INSR: variants seen among roughly 807,000 people sequenced by gnomAD.
INSR encodes the protein IR.
INSR carries 67 observed loss-of-function variants against 142.6 expected under a neutral mutation model. The observed-to-expected ratio is 0.47, with a 90% confidence interval of 0.39 to 0.58. The LOEUF (loss-of-function observed/expected upper bound fraction) is 0.58, where lower values mean the gene tolerates loss of function less well. INSR is among the 20% of genes least tolerant of loss of function. The pLI, the probability that INSR is intolerant of heterozygous loss-of-function variation, is 0.00. For missense variants in INSR, 1,248 were observed against 1,833.2 expected, an observed-to-expected ratio of 0.68 and a Z score of 5.83; for synonymous variants, 756 against 743.1, an observed-to-expected ratio of 1.02 and a Z score of -0.28.
At chr19:7,137,526 G>A (rs1383085271) in intron 13 of INSR, among the ~76,000 whole-genome samples, 1 of 152,062 alleles carries the variant, frequency 6.6e-6, no homozygotes, top group African/African-American at 2.4e-5. Context: ...GGTGGCTCAC[G>A]CCTGTAATCC....
intron 17 of INSR, among the ~76,000 whole-genome samples, chr19:7,123,628 AG>A (rs888820701): frequency 6.6e-6 from 1 of 151,874 alleles, no homozygotes; most frequent in African/African-American, 2.4e-5. Flanking sequence ...TAATGTATAA[AG>A]GGTTTGGAGT....
At position 7,170,755 on chromosome 19, in the gene INSR, T is replaced by G. The variant is rs754326056; in HGVS notation, c.1269-4A>C. 1 of 1,609,588 alleles carries G rather than the reference T, an allele frequency of 6.2e-7. No individual in the cohort carries two copies. Among genetic ancestry groups the G allele is most frequent in the South Asian group, 1.1e-5 (1 of 91,002 alleles). Reference sequence around the variant, plus strand: ...CAAGGCATAGAAGGAGTAGTTCCTATGGAAAAAACACACACATCTAGTCAT... The same window carrying G: ...CAAGGCATAGAAGGAGTAGTTCCTAGGGAAAAAACACACACATCTAGTCAT... On this transcript the variant is annotated splice_polypyrimidine_tract_variant and splice_region_variant and intron_variant, in intron 5 of 21. Transcript: ENST00000302850.
chr19:7,236,862 T>C (rs182352361), intron 2 of INSR, among the ~76,000 whole-genome samples: 62 of 151,530 alleles, frequency 4.1e-4, no homozygotes, highest in Non-Finnish European at 4.0e-4. Flanking sequence ...CTGTCTCTAC[T>C]AAAAATACAA....
intron 6 of INSR, among the ~76,000 whole-genome samples, chr19:7,169,605 C>T: frequency 6.8e-6 from 1 of 147,806 alleles, no homozygotes; most frequent in East Asian, 2.0e-4. Flanking sequence ...AAAAGAAGCT[C>T]TTCCTCTGTT....
chr19:7,117,056 T>C lies in INSR; in HGVS notation c.4149A>G (p.Ter1383=), dbSNP rs767486143. The C allele has an allele frequency of 1.2e-6, 2 of 1,608,738 alleles. No individual in the cohort carries two copies. Among genetic ancestry groups the C allele is most frequent in the East Asian group, 4.5e-5 (2 of 44,596 alleles). The change falls in exon 22 of 22, where the codon TAA becomes TAG. Residue 1383 remains the stop codon, a stop_retained_variant. Coordinates refer to ENST00000302850, the MANE Select transcript of INSR (RefSeq NM_000208.4). ...ILTLPRSNPS[*] is the part of the protein sequence containing the mutation. ...CCCGCCCCCGCCACGGTAGGCACTG[T>C]TAGGAAGGATTGGACCGAGGCAAGG...
chr19:7,290,094 G>C (rs1293741961), intron 1 of INSR, among the ~76,000 whole-genome samples: 2 of 152,160 alleles, frequency 1.3e-5, no homozygotes, highest in Non-Finnish European at 2.9e-5. Flanking sequence ...GTCTCCAGGA[G>C]AGAAGCAAAG....
At chr19:7,189,664 CTT>C (rs35476514) in intron 2 of INSR, among the ~76,000 whole-genome samples, 4,357 of 141,462 alleles carry the variant, frequency 0.031, 213 homozygotes, top group African/African-American at 0.11. Flanking sequence ...TTTACTATTA[CTT>C]TTTTTTTTTT....
At position 7,125,301 on chromosome 19, in the gene INSR, G is replaced by A; in HGVS notation, c.3240C>T (p.Gly1080=). 1 of 1,614,030 alleles carries A rather than the reference G, an allele frequency of 6.2e-7. No individual in the cohort carries two copies. Among genetic ancestry groups the A allele is most frequent in the Non-Finnish European group, 8.5e-7 (1 of 1,180,016 alleles). The change falls in exon 17 of 22, where the codon GGC becomes GGT. Residue 1080 remains glycine, a synonymous_variant. Coordinates refer to ENST00000302850, the MANE Select transcript of INSR (RefSeq NM_000208.4). This position sits in a 1 kb window ranked among gnomAD's most constrained non-coding sequence, Gnocchi z 4.9. Reference sequence around the variant, plus strand: ...GACTCACCACGTGATGGCAGGTGAAGCCCTTCATGACCGAGGCCTCATTGA... The same window carrying A: ...GACTCACCACGTGATGGCAGGTGAAACCCTTCATGACCGAGGCCTCATTGA... ...EFLNEASVMK[G]FTCHHVVRLL... is the part of the protein sequence containing the mutation.
At chr19:7,232,804 C>CGG (rs1358583143) in intron 2 of INSR, among the ~76,000 whole-genome samples, 2 of 150,818 alleles carry the variant, frequency 1.3e-5, no homozygotes, top group Non-Finnish European at 3.0e-5. Flanking sequence ...TGCAAGACTC[C>CGG]GTCTCAAAAA....
chr19:7,130,032 T>C (rs888771019), intron 14 of INSR, among the ~76,000 whole-genome samples: 1 of 99,392 alleles, frequency 1.0e-5, no homozygotes, highest in Non-Finnish European at 2.4e-5. Flanking sequence ...AGCCACCTCA[T>C]CTAGCCAAAA....
rs188000499 is a variant in INSR, at chr19:7,182,820, A to T, written c.974+1496T>A. 3.0e-3 allele frequency among the ~76,000 whole-genome samples: 442 copies of T among 145,606 alleles called. 3 individuals are homozygous for T. The highest frequency in any genetic ancestry group is 0.01 in the African/African-American group (417 of 39,864). On this transcript the variant is annotated intron_variant, in intron 3 of 21. Coordinates refer to ENST00000302850, the MANE Select transcript of INSR (RefSeq NM_000208.4). ...ACATCTTGCCAGAAGATATTAACCC[A>T]TTTTTTTTATTTCAATTGTGATTTT...
At chr19:7,169,198 C>A (rs1973955999) in intron 6 of INSR, among the ~76,000 whole-genome samples, 1 of 152,190 alleles carries the variant, frequency 6.6e-6, no homozygotes, top group African/African-American at 2.4e-5. Context: ...GGATGCATCA[C>A]CATCTGAGAC....
chr19:7,217,174 C>T (rs1022916378), intron 2 of INSR, among the ~76,000 whole-genome samples: 1 of 152,066 alleles, frequency 6.6e-6, no homozygotes, highest in African/African-American at 2.4e-5. Context: ...CAAAATGAGT[C>T]TTACAGGGCT....
chr19:7,217,714 C>T (rs1352615973), intron 2 of INSR, among the ~76,000 whole-genome samples: 1 of 152,164 alleles, frequency 6.6e-6, no homozygotes, highest in East Asian at 1.9e-4. Context: ...AGCCCGCCAC[C>T]ACACCTGGCT....
chr19:7,282,309 G>T (rs1031677791), intron 1 of INSR, among the ~76,000 whole-genome samples: 3 of 151,696 alleles, frequency 2.0e-5, no homozygotes, highest in African/African-American at 7.3e-5. Flanking sequence ...AGGTTGCAGT[G>T]AGCCGAGATC....
intron 9 of INSR, among the ~76,000 whole-genome samples, chr19:7,160,524 C>T (rs1361001872): frequency 6.6e-6 from 1 of 152,058 alleles, no homozygotes; most frequent in Non-Finnish European, 1.5e-5. Context: ...ACTCAGGAGG[C>T]TGAGGCGGGA....
At chr19:7,283,805 T>C (rs938096222) in intron 1 of INSR, among the ~76,000 whole-genome samples, 1 of 152,164 alleles carries the variant, frequency 6.6e-6, no homozygotes, top group Admixed American at 6.6e-5. Flanking sequence ...TTCCCCTGAA[T>C]GTTGAACTAG....
intron 11 of INSR, among the ~76,000 whole-genome samples, chr19:7,147,554 A>T (rs1258163386): frequency 6.6e-6 from 1 of 152,094 alleles, no homozygotes; most frequent in African/African-American, 2.4e-5. Flanking sequence ...TTTCTATTGC[A>T]GCGTCATCAG....
chr19:7,125,361 G>A lies in INSR; in HGVS notation c.3180C>T (p.Asn1060=), dbSNP rs144762649. 2.4e-5 allele frequency: 38 copies of A among 1,614,084 alleles called. No homozygotes were observed. Among genetic ancestry groups the A allele is most frequent in the Middle Eastern group, 3.3e-4 (2 of 6,062 alleles). The change falls in exon 17 of 22, where the codon AAC becomes AAT. Residue 1060 remains asparagine (N), a synonymous_variant. Coordinates refer to ENST00000302850, the MANE Select transcript of INSR (RefSeq NM_000208.4). This position sits in a 1 kb window ranked among gnomAD's most constrained non-coding sequence, Gnocchi z 4.9. ...TCCGCTCTCGGAGACTGGCTGACTC[G>A]TTGACCGTCTTCACCGCCACGCGGG... is the stretch of plus-strand genomic sequence containing the variant. ...AETRVAVKTV[N]ESASLRERIE... is the part of the protein sequence containing the mutation.
Sources: gnomAD v4.1 joint callset for allele counts (sites outside exome capture counted in the v4.1 genomes callset) on GRCh38, gnomAD v4.1.1 for gene constraint, Gnocchi (gnomAD v3.1) non-coding constraint, MANE v1.5 for transcripts, NCBI Gene and HGNC (gene_info 2026-07-23, HGNC 2026-07-21) for gene names.